DOCK1: variants seen among roughly 807,000 people sequenced by gnomAD.
DOCK1 encodes the protein dedicator of cytokinesis 1.
In DOCK1, 138 loss-of-function variants were observed where a neutral mutation model predicts 262.7. The observed-to-expected ratio is 0.53, with a 90% CI of 0.46 to 0.61. The LOEUF is 0.61. DOCK1 is among the 20% of genes least tolerant of loss of function. The pLI is 0.00. For missense variants in DOCK1, 1,908 were observed against 2,370.7 expected (o/e 0.80, Z 4.05); for synonymous variants, 866 against 867.4 (o/e 1.00, Z 0.03).
At chr10:127,208,018 G>A (rs2057801401) in intron 27 of DOCK1, among the ~76,000 whole-genome samples, 1 of 152,150 alleles carries the variant, frequency 6.6e-6, no homozygotes, top group African/African-American at 2.4e-5. Flanking sequence ...GGCTCACCCG[G>A]CCTCCTCTGC....
At chr10:127,032,027 A>T in intron 17 of DOCK1, 110 bp from the exon 18 acceptor site, 1 of 1,334,438 alleles carries the variant, frequency 7.5e-7, no homozygotes, top group Non-Finnish European at 1.0e-6. Context: ...ATTTAATATG[A>T]TACAAAGCAA....
chr10:127,263,478 G>C (rs990826571), intron 29 of DOCK1, among the ~76,000 whole-genome samples: 1 of 152,254 alleles, frequency 6.6e-6, no homozygotes, highest in Non-Finnish European at 1.5e-5. Context: ...GCGATGGCCT[G>C]ACATTATAGC....
intron 4 of DOCK1, among the ~76,000 whole-genome samples, chr10:126,985,777 C>T (rs1255436350): frequency 6.6e-6 from 1 of 152,172 alleles, no homozygotes; most frequent in African/African-American, 2.4e-5. Flanking sequence ...TTGGGGACAT[C>T]CTTGGCAGGG....
chr10:127,045,654 C>T (rs1013582620), intron 21 of DOCK1, among the ~76,000 whole-genome samples: 21 of 152,308 alleles, frequency 1.4e-4, no homozygotes, highest in African/African-American at 3.6e-4. Flanking sequence ...AGTCCTCTTC[C>T]GCACCTCGAG....
chr10:127,125,590 A>G lies in DOCK1; in HGVS notation c.2740A>G (p.Arg914Gly), dbSNP rs747520696. 153 of 1,613,544 alleles carry G rather than the reference A, an allele frequency of 9.5e-5. 1 individual carries two copies. The Middle Eastern group carries it at 4.6e-3, about 49-fold the overall frequency. The stretch of plus-strand genomic sequence containing the variant: ...CAGCCACATCCTGGAGGTGCTGTAC[A>G]GGAAGGACGTGGTGAGTGTTGGCTC... ...LLSHILEVLYRKDVGPTQRHV... is the reference protein window; with the variant it reads ...LLSHILEVLYGKDVGPTQRHV... Residue 914 changes from arginine to glycine, a missense_variant, in exon 26 of 52, where the codon AGG becomes GGG. Physicochemically the swap from Arg to Gly is moderately radical, Grantham distance 125 (BLOSUM62 -2). Transcript: ENST00000623213.
At chr10:127,021,538 C>A (rs941380686) in intron 13 of DOCK1, among the ~76,000 whole-genome samples, 3 of 152,148 alleles carry the variant, frequency 2.0e-5, no homozygotes, top group African/African-American at 7.2e-5. Flanking sequence ...GAGTTTATGC[C>A]TTCCTTATCA....
chr10:127,294,479 G>T (rs374342420), intron 29 of DOCK1, among the ~76,000 whole-genome samples: 3 of 150,792 alleles, frequency 2.0e-5, no homozygotes, highest in Admixed American at 6.6e-5. Flanking sequence ...TCGTCACCAC[G>T]CCAGGCTGAT....
At chr10:127,171,475 G>T (rs1435499680) in intron 27 of DOCK1, among the ~76,000 whole-genome samples, 1 of 152,190 alleles carries the variant, frequency 6.6e-6, no homozygotes, top group Non-Finnish European at 1.5e-5. Flanking sequence ...CTTAAGTATA[G>T]TGTGGAAATG....
At position 127,451,585 on chromosome 10, in the gene DOCK1, G is replaced by A; in HGVS notation, c.*158G>A. On this transcript the variant is annotated 3_prime_UTR_variant, in exon 52 of 52. Coordinates refer to ENST00000623213, the MANE Select transcript of DOCK1 (RefSeq NM_001290223.2). ...AAAGGAGTTCAGTTCTCACCATGGA[G>A]TGAGTGGCCTTTAGCGTCATGGAGC... The A allele has an allele frequency of 6.8e-7, 1 of 1,477,034 alleles. No individual in the cohort carries two copies. The highest frequency in any genetic ancestry group is 1.3e-5 in the South Asian group (1 of 75,898). The allele number at this position is 1,477,034 out of a possible 1,614,324, so 91.5% of individuals were successfully genotyped here. A position where few individuals can be genotyped will look rare whatever the true frequency, so the allele number is the denominator to read the frequency against.
In DOCK1 at chr10:127,176,199, G is replaced by A. The variant is rs745443698; in HGVS notation, c.2847+48435G>A. 9 of 1,614,086 alleles carry A rather than the reference G, an allele frequency of 5.6e-6. No individual in the cohort carries two copies. The highest frequency in any genetic ancestry group is 1.6e-4 in the Middle Eastern group (1 of 6,062). ...CTCCCGCTTCTCCCCCAGCTGGCCC[G>A]AGGACAGCTGTGTGTCCCTCTGCTC... On this transcript the variant is annotated intron_variant, in intron 27 of 51. Transcript: ENST00000623213. The surrounding 1 kb of genome is among the most constrained non-coding windows in gnomAD (Gnocchi z 4.4).
rs147247723 is a variant in DOCK1 at position 127,278,195 on chromosome 10, A to G, written c.3044+20766A>G. ...TTCTCACTGGCCAGTGTCCAGTGTA[A>G]GCAAATTTGCACATGGCTGTCCCTT... is the stretch of plus-strand genomic sequence containing the variant. On this transcript the variant is annotated intron_variant, in intron 29 of 51. Coordinates refer to ENST00000623213, the MANE Select transcript of DOCK1 (RefSeq NM_001290223.2). Among the ~76,000 whole-genome samples the G allele has an allele frequency of 3.2e-3, 493 of 152,256 alleles. 1 individual carries two copies. Among genetic ancestry groups the G allele is most frequent in the African/African-American group, 0.01 (426 of 41,552 alleles).
Position 127,012,238 on chromosome 10 carries a change from G to A in DOCK1, c.1065G>A (p.Ala355=), listed in dbSNP as rs759971892. ...KQHFIPFQPL[A]LDDAIRHKPL... is the part of the protein sequence containing the mutation. ...GTCGTCCCGTGCCCTCCAGGCTCGC[G>A]TTGGACGACGCCATTCGACACAAGC... The change falls in exon 12 of 52, where the codon GCG becomes GCA. Residue 355 remains alanine (A), a synonymous_variant. Transcript: ENST00000623213. This position sits in a 1 kb window ranked among gnomAD's most constrained non-coding sequence, Gnocchi z 4.0. 1.2e-5 allele frequency: 19 copies of A among 1,588,732 alleles called. 1 individual carries two copies. In the Middle Eastern group the frequency reaches 5.0e-4, roughly 42 times the overall value.
At chr10:127,339,689 C>A (rs1021537777) in intron 30 of DOCK1, among the ~76,000 whole-genome samples, 6 of 65,186 alleles carry the variant, frequency 9.2e-5, no homozygotes, top group Non-Finnish European at 1.8e-4. Flanking sequence ...TTTTGCCTGG[C>A]CTGATTTGTG....
At chr10:127,011,613 C>T (rs964965389) in intron 11 of DOCK1, among the ~76,000 whole-genome samples, 1 of 152,160 alleles carries the variant, frequency 6.6e-6, no homozygotes, top group African/African-American at 2.4e-5. Context: ...GGTTCATGGG[C>T]CCTGAAAACG....
rs1413540715 is a variant in DOCK1, at chr10:126,975,506, C to G, written c.131-2442C>G. Among the ~76,000 whole-genome samples the G allele has an allele frequency of 3.3e-5, 5 of 152,230 alleles. No homozygotes were observed. In the East Asian group the frequency reaches 9.6e-4, roughly 29 times the overall value. ...CTGCAGTGTTCTGCCTTCTACCACT[C>G]TTAACTGTGTACTTTTCATTTCTCT... On this transcript the variant is annotated intron_variant, in intron 2 of 51. Transcript: ENST00000623213.
chr10:127,339,667 T>C (rs2063343463), intron 30 of DOCK1, among the ~76,000 whole-genome samples: 1 of 147,692 alleles, frequency 6.8e-6, no homozygotes, highest in Non-Finnish European at 1.5e-5. Context: ...GCATGCATGC[T>C]GTAAGGATTG....
At chr10:127,240,290 A>G (rs2134684649) in intron 27 of DOCK1, among the ~76,000 whole-genome samples, 2 of 151,044 alleles carry the variant, frequency 1.3e-5, no homozygotes, top group Non-Finnish European at 3.0e-5. Flanking sequence ...TTTTTAACAA[A>G]CATTCCTCAC....
chr10:126,952,285 T>C (rs1338717236), intron 1 of DOCK1, among the ~76,000 whole-genome samples: 4 of 152,092 alleles, frequency 2.6e-5, no homozygotes, highest in East Asian at 1.9e-4. Flanking sequence ...TTCATAGTAT[T>C]GTAGGTGATG....
chr10:127,365,772 A>T (rs1238872946), intron 33 of DOCK1, among the ~76,000 whole-genome samples: 3 of 152,170 alleles, frequency 2.0e-5, no homozygotes, highest in Non-Finnish European at 4.4e-5. Context: ...AAAAAATCTT[A>T]CAACAATCTT....
Sources: allele counts gnomAD v4.1 joint callset (sites outside exome capture counted in the v4.1 genomes callset), GRCh38; gene constraint gnomAD v4.1.1; non-coding constraint Gnocchi (gnomAD v3.1); transcripts MANE v1.5; gene names NCBI Gene and HGNC (gene_info 2026-07-23, HGNC 2026-07-21).